CREB5: variants seen among roughly 807,000 people sequenced by gnomAD.
The protein encoded by CREB5 is cyclic AMP-responsive element-binding protein 5.
Under a neutral mutation model 57.1 loss-of-function variants are expected in CREB5, and 19 were observed. The ratio of observed to expected loss-of-function variants is 0.33; its 90% CI spans 0.23 to 0.49. The LOEUF is 0.49. CREB5 is among the 20% of genes least tolerant of loss of function. The probability of loss-of-function intolerance (pLI) is 0.99; values close to 1 mark genes in which losing one functional copy is unlikely to be tolerated. For synonymous variants in CREB5, 238 were observed against 238.3 expected (o/e 1.00, Z 0.01); for missense variants, 579 against 671.6 (o/e 0.86, Z 1.52).
intron 5 of CREB5, among the ~76,000 whole-genome samples, chr7:28,577,725 G>C (rs1442601570): frequency 6.6e-6 from 1 of 152,104 alleles, no homozygotes; most frequent in African/African-American, 2.4e-5. Context: ...TAAAATTGGG[G>C]GGTGGGGTAC....
intron 5 of CREB5, among the ~76,000 whole-genome samples, chr7:28,587,554 TG>T (rs1241604382): frequency 1.7e-3 from 14 of 8,310 alleles, no homozygotes; most frequent in Non-Finnish European, 4.4e-4. Flanking sequence ...TGGACTGGGC[TG>T]GGGGTGGGGG....
chr7:28,774,682 T>C (rs528453068), intron 7 of CREB5, among the ~76,000 whole-genome samples: 14 of 152,296 alleles, frequency 9.2e-5, no homozygotes, highest in Admixed American at 7.8e-4. Context: ...GGGTGGGTAA[T>C]GAAAGGACAT....
At chr7:28,643,555 C>T (rs1798765613) in intron 5 of CREB5, among the ~76,000 whole-genome samples, 1 of 152,072 alleles carries the variant, frequency 6.6e-6, no homozygotes, top group African/African-American at 2.4e-5. Context: ...TTATTTAAGT[C>T]CTCCCTATCC....
chr7:28,732,703 A>T (rs1325599040), intron 7 of CREB5, among the ~76,000 whole-genome samples: 11 of 145,324 alleles, frequency 7.6e-5, no homozygotes, highest in African/African-American at 2.2e-4. Context: ...GCACTTTGGG[A>T]TGATGACTCT....
intron 5 of CREB5, among the ~76,000 whole-genome samples, chr7:28,687,388 G>T (rs911299651): frequency 2.6e-5 from 4 of 151,766 alleles, no homozygotes; most frequent in African/African-American, 9.7e-5. Flanking sequence ...GGGAGAGGGG[G>T]CAAAGGATTG....
intron 4 of CREB5, among the ~76,000 whole-genome samples, chr7:28,570,131 G>T (rs1038419648): frequency 6.6e-6 from 1 of 152,190 alleles, no homozygotes; most frequent in Non-Finnish European, 1.5e-5. Flanking sequence ...CAGCAGAGTG[G>T]TAAGGAAACT....
At chr7:28,452,372 T>TA (rs932712064) in intron 1 of CREB5, among the ~76,000 whole-genome samples, 5 of 152,142 alleles carry the variant, frequency 3.3e-5, no homozygotes, top group Non-Finnish European at 2.9e-5. Flanking sequence ...TTTTATAGAC[T>TA]AAAAAACCCA....
chr7:28,774,310 C>T lies in CREB5; in HGVS notation c.703-29889C>T, dbSNP rs1806501397. Among the ~76,000 whole-genome samples, 4 of 152,198 alleles carry T rather than the reference C, an allele frequency of 2.6e-5. No individual in the cohort carries two copies. The South Asian group carries it at 8.3e-4, about 31-fold the overall frequency. On this transcript the variant is annotated intron_variant, in intron 7 of 10. Coordinates refer to ENST00000357727, the MANE Select transcript of CREB5 (RefSeq NM_182898.4). The stretch of plus-strand genomic sequence containing the variant: ...ATAACTCAAGTCCTGTCCCATTTTT[C>T]TGCATTCATTTGTCAGGGCCATGTC...
At chr7:28,332,987 T>A (rs1785745203) in intron 1 of CREB5, among the ~76,000 whole-genome samples, 1 of 152,226 alleles carries the variant, frequency 6.6e-6, no homozygotes, top group South Asian at 2.1e-4. Flanking sequence ...ACTAGTTTTA[T>A]TGTGACTGAC....
At chr7:28,660,130 G>A (rs1231394938) in intron 5 of CREB5, among the ~76,000 whole-genome samples, 2 of 152,150 alleles carry the variant, frequency 1.3e-5, no homozygotes, top group Admixed American at 6.5e-5. Flanking sequence ...TGCCAAAAAT[G>A]TGCTGTGCAT....
chr7:28,560,797 A>AGT (rs200415879), intron 4 of CREB5, among the ~76,000 whole-genome samples: 3 of 86,546 alleles, frequency 3.5e-5, no homozygotes, highest in African/African-American at 1.2e-4. Flanking sequence ...CTGCTTCCAC[A>AGT]GTGTGTGTGC....
At chr7:28,755,965 G>T (rs1052749899) in intron 7 of CREB5, among the ~76,000 whole-genome samples, 1 of 152,092 alleles carries the variant, frequency 6.6e-6, no homozygotes, top group Non-Finnish European at 1.5e-5. Context: ...GTAGGGTGGG[G>T]CGGGCATAAA....
chr7:28,540,274 GT>G (rs1415941049), intron 4 of CREB5, among the ~76,000 whole-genome samples: 2 of 152,092 alleles, frequency 1.3e-5, no homozygotes, highest in African/African-American at 4.8e-5. Context: ...TTGATACTTT[GT>G]TTATTGGTTC....
At chr7:28,543,360 A>C (rs1794283917) in intron 4 of CREB5, among the ~76,000 whole-genome samples, 1 of 152,188 alleles carries the variant, frequency 6.6e-6, no homozygotes, top group African/African-American at 2.4e-5. Context: ...AGCATTCCAC[A>C]AAAAATATTA....
At chr7:28,770,495 G>A (rs762580733) in intron 7 of CREB5, among the ~76,000 whole-genome samples, 1 of 152,104 alleles carries the variant, frequency 6.6e-6, no homozygotes, top group Non-Finnish European at 1.5e-5. Flanking sequence ...TTTTATATGA[G>A]TGGGTACATT....
At chr7:28,733,058 A>G (rs1803754702) in intron 7 of CREB5, among the ~76,000 whole-genome samples, 1 of 152,116 alleles carries the variant, frequency 6.6e-6, no homozygotes, top group Non-Finnish European at 1.5e-5. Context: ...GCATGCCTCA[A>G]TTATTTTTAT....
At chr7:28,717,322 A>G (rs1039602437) in intron 5 of CREB5, among the ~76,000 whole-genome samples, 2 of 152,088 alleles carry the variant, frequency 1.3e-5, no homozygotes, top group African/African-American at 4.8e-5. Context: ...ACACCTATCT[A>G]AACTGATCAT....
chr7:28,437,450 C>G (rs1031917594), intron 1 of CREB5, among the ~76,000 whole-genome samples: 1 of 152,140 alleles, frequency 6.6e-6, no homozygotes, highest in Non-Finnish European at 1.5e-5. Flanking sequence ...ATGAAGCTAT[C>G]TGTATGGCCC....
chr7:28,504,279 A>G (rs1049266045), intron 3 of CREB5, among the ~76,000 whole-genome samples: 3 of 152,232 alleles, frequency 2.0e-5, no homozygotes, highest in African/African-American at 7.2e-5. Context: ...GATGGTGTGC[A>G]ATCTCCATGG....
Sources: gnomAD v4.1 joint callset for allele counts (sites outside exome capture counted in the v4.1 genomes callset) on GRCh38, gnomAD v4.1.1 for gene constraint, MANE v1.5 for transcripts, NCBI Gene and HGNC (gene_info 2026-07-23, HGNC 2026-07-21) for gene names.